Variants in ABLIM2 observed in about 807,000 individuals in gnomAD.
ABLIM2 encodes actin-binding LIM protein 2.
A neutral mutation model predicts 97.7 loss-of-function variants in ABLIM2; 53 were observed. The observed-to-expected ratio is 0.54, with a 90% confidence interval of 0.44 to 0.68. ABLIM2 has a LOEUF of 0.68. Among genes scored for constraint, ABLIM2 ranks in the 30% least tolerant of loss-of-function variants. The probability of loss-of-function intolerance (pLI) is 0.00; values close to 1 mark genes in which losing one functional copy is unlikely to be tolerated. For missense variants in ABLIM2, 835 were observed against 867.2 expected (o/e 0.96, Z 0.47); for synonymous variants, 361 against 345.8 (o/e 1.04, Z -0.49).
intron 1 of ABLIM2, among the ~76,000 whole-genome samples, chr4:8,151,148 T>C (rs1195356325): frequency 1.3e-5 from 2 of 152,164 alleles, no homozygotes; most frequent in Admixed American, 1.3e-4. Context: ...AAGTGACGAT[T>C]GGGGCTGGAG....
intron 1 of ABLIM2, among the ~76,000 whole-genome samples, chr4:8,139,743 A>C (rs556399835): frequency 3.9e-5 from 6 of 152,236 alleles, no homozygotes; most frequent in Non-Finnish European, 8.8e-5. Context: ...CGGCAATCCC[A>C]TTAGTGGGTA....
rs193161113 is a variant in ABLIM2, at chr4:8,132,982, G to A, written c.10+25698C>T. 1.3e-5 allele frequency among the ~76,000 whole-genome samples: 2 copies of A among 152,268 alleles called. No individual in the cohort carries two copies. Among genetic ancestry groups the A allele is most frequent in the East Asian group, 3.9e-4 (2 of 5,182 alleles). On this transcript the variant is annotated intron_variant, in intron 1 of 20. Transcript: ENST00000447017. This position sits in a 1 kb window ranked among gnomAD's most constrained non-coding sequence, Gnocchi z 8.0. ...TTAACAACAGGCATTTACTCTCCCC[G>A]GTTCTGGAGACCAGAAGTCCCAGAT...
intron 20 of ABLIM2, among the ~76,000 whole-genome samples, chr4:7,980,147 C>T (rs988612497): frequency 1.3e-5 from 2 of 152,114 alleles, no homozygotes; most frequent in African/African-American, 2.4e-5. Flanking sequence ...AATGAACCCC[C>T]CCTCTCTGCC....
chr4:8,102,415 T>C (rs763064716), intron 2 of ABLIM2, among the ~76,000 whole-genome samples: 1 of 152,254 alleles, frequency 6.6e-6, no homozygotes, highest in African/African-American at 2.4e-5. Context: ...TTATTCTTTA[T>C]CATGTTTATT....
chr4:7,988,000 T>C (rs1323269570), intron 17 of ABLIM2, among the ~76,000 whole-genome samples: 1 of 152,152 alleles, frequency 6.6e-6, no homozygotes, highest in Non-Finnish European at 1.5e-5. Flanking sequence ...ACAAATGATT[T>C]AGCTGTCCCA....
Position 8,004,852 on chromosome 4 carries a change from T to A in ABLIM2, c.1618+3207A>T, listed in dbSNP as rs1231856305. Among the ~76,000 whole-genome samples the A allele has an allele frequency of 1.3e-5, 2 of 152,190 alleles. No individual in the cohort carries two copies. Among genetic ancestry groups the A allele is most frequent in the Non-Finnish European group, 2.9e-5 (2 of 68,024 alleles). ...ACAGGAACAGAAAAGCAGTCAATAATAAAATATAGATTTCACTATGACGCC... is the reference window on the plus strand; with the variant it reads ...ACAGGAACAGAAAAGCAGTCAATAAAAAAATATAGATTTCACTATGACGCC... On this transcript the variant is annotated intron_variant, in intron 16 of 20. Coordinates refer to ENST00000447017, the MANE Select transcript of ABLIM2 (RefSeq NM_001130083.2). The surrounding 1 kb of genome is among the most constrained non-coding windows in gnomAD (Gnocchi z 5.9).
chr4:8,092,738 C>T (rs886242752), intron 3 of ABLIM2, among the ~76,000 whole-genome samples: 10 of 152,206 alleles, frequency 6.6e-5, no homozygotes, highest in African/African-American at 1.7e-4. Flanking sequence ...CTGCGGCTTG[C>T]GTTTGACCCC....
rs1726727587 is a variant in ABLIM2 at position 7,970,256 on chromosome 4, T to G, written c.1825-3153A>C. ...CACCGGAAGGGCGAGGAGAGTTCAG[T>G]GCTGGTGCCTGGGGCAGGCCTCCCT... On this transcript the variant is annotated intron_variant, in intron 20 of 20. Transcript: ENST00000447017. This position sits in a 1 kb window ranked among gnomAD's most constrained non-coding sequence, Gnocchi z 5.3. Among the ~76,000 whole-genome samples the G allele has an allele frequency of 6.6e-6, 1 of 151,984 alleles. No individual in the cohort carries two copies. The highest frequency in any genetic ancestry group is 6.5e-5 in the Admixed American group (1 of 15,268).
intron 4 of ABLIM2, among the ~76,000 whole-genome samples, chr4:8,081,741 G>A (rs1819962526): frequency 1.3e-5 from 2 of 152,184 alleles, no homozygotes; most frequent in South Asian, 4.1e-4. Context: ...GTGGGAGGCA[G>A]AGCGGCAGAG....
At chr4:8,133,312 A>C (rs1438109119) in intron 1 of ABLIM2, among the ~76,000 whole-genome samples, 1 of 152,174 alleles carries the variant, frequency 6.6e-6, no homozygotes, top group African/African-American at 2.4e-5. Context: ...TTCAACCCAC[A>C]GCGGCGGCTT....
rs1276212802 is a variant in ABLIM2 at position 8,092,050 on chromosome 4, T to G, written c.339-3766A>C. Among the ~76,000 whole-genome samples the G allele has an allele frequency of 4.1e-5, 6 of 148,050 alleles. 1 individual carries two copies. In the East Asian group the frequency reaches 1.2e-3, roughly 29 times the overall value. Reference sequence around the variant, plus strand: ...TCTTGCTCTGTCACCCAGGCTGGAGTGCACTGGCACAATGTTGGCTCACTG... The same window carrying G: ...TCTTGCTCTGTCACCCAGGCTGGAGGGCACTGGCACAATGTTGGCTCACTG... On this transcript the variant is annotated intron_variant, in intron 3 of 20. Transcript: ENST00000447017.
chr4:8,053,813 T>A (rs1428139615), intron 8 of ABLIM2, among the ~76,000 whole-genome samples: 2 of 152,084 alleles, frequency 1.3e-5, no homozygotes, highest in Non-Finnish European at 2.9e-5. Flanking sequence ...TGGCCCCTTT[T>A]TCCTCTTTGT....
intron 1 of ABLIM2, among the ~76,000 whole-genome samples, chr4:8,118,647 G>T (rs1843848062): frequency 6.6e-6 from 1 of 152,096 alleles, no homozygotes; most frequent in African/African-American, 2.4e-5. Context: ...CCACCTGGTT[G>T]CCTGACTTCC....
rs1811699273 is a variant in ABLIM2, at chr4:8,071,114, C to T, written c.675+6514G>A. 6.6e-6 allele frequency among the ~76,000 whole-genome samples: 1 copy of T among 152,188 alleles called. No homozygotes were observed. Among genetic ancestry groups the T allele is most frequent in the South Asian group, 2.1e-4 (1 of 4,834 alleles). On this transcript the variant is annotated intron_variant, in intron 6 of 20. Coordinates refer to ENST00000447017, the MANE Select transcript of ABLIM2 (RefSeq NM_001130083.2). This position sits in a 1 kb window ranked among gnomAD's most constrained non-coding sequence, Gnocchi z 6.2. The stretch of plus-strand genomic sequence containing the variant: ...GCAGCCCTGGTCTAGAGGCTGGTCA[C>T]ACCGCTGTCCCCGTGGATTCGCCAG...
intron 3 of ABLIM2, among the ~76,000 whole-genome samples, chr4:8,088,750 G>A (rs1456993223): frequency 6.6e-6 from 1 of 152,260 alleles, no homozygotes; most frequent in Non-Finnish European, 1.5e-5. Context: ...CTATAGGCAT[G>A]CCTCATGAGT....
chr4:8,024,074 C>T (rs1036862385), intron 12 of ABLIM2, among the ~76,000 whole-genome samples: 1 of 152,202 alleles, frequency 6.6e-6, no homozygotes, highest in Non-Finnish European at 1.5e-5. Context: ...AAGGAATGGC[C>T]GCTCAGCAAG....
intron 1 of ABLIM2, among the ~76,000 whole-genome samples, chr4:8,157,080 C>T (rs943497790): frequency 5.3e-5 from 8 of 152,318 alleles, no homozygotes; most frequent in African/African-American, 1.7e-4. Flanking sequence ...ACCAATGCTA[C>T]TGCTCTTACA....
At chr4:8,078,841 G>A (rs567908611) in intron 5 of ABLIM2, among the ~76,000 whole-genome samples, 6 of 152,332 alleles carry the variant, frequency 3.9e-5, no homozygotes, top group East Asian at 3.9e-4. Context: ...TCTCAGCCCC[G>A]GCCAGACCCA....
intron 9 of ABLIM2, among the ~76,000 whole-genome samples, chr4:8,041,949 T>C (rs1482545723): frequency 6.6e-6 from 1 of 151,696 alleles, no homozygotes; most frequent in East Asian, 1.9e-4. Flanking sequence ...GCAGTTACTA[T>C]GTGCCGTGCA....
Sources: allele counts gnomAD v4.1 joint callset (sites outside exome capture counted in the v4.1 genomes callset), GRCh38; gene constraint gnomAD v4.1.1; non-coding constraint Gnocchi (gnomAD v3.1); transcripts MANE v1.5; gene names NCBI Gene and HGNC (gene_info 2026-07-23, HGNC 2026-07-21).